The following CACHD1 variants were observed in gnomAD, a reference collection of about 807,000 sequenced individuals.
CACHD1 encodes VWFA and cache domain-containing protein 1.
Under a neutral mutation model 138.7 loss-of-function variants are expected in CACHD1, and 71 were observed. The observed-to-expected ratio is 0.51, with a 90% confidence interval of 0.42 to 0.62. The LOEUF is 0.62. CACHD1 is among the 20% of genes least tolerant of loss of function. The pLI, the probability that CACHD1 is intolerant of heterozygous loss-of-function variation, is 0.00. For synonymous variants in CACHD1, 578 were observed against 591.5 expected (o/e 0.98, Z 0.33); for missense variants, 1,389 against 1,625.3 (o/e 0.85, Z 2.50).
chr1:64,566,939 A>G (rs1047302210), intron 2 of CACHD1, among the ~76,000 whole-genome samples: 2 of 152,228 alleles, frequency 1.3e-5, no homozygotes, highest in Middle Eastern at 3.4e-3. Context: ...GGGTATGTAT[A>G]TGTTTATTGC....
chr1:64,691,666 T>G lies in CACHD1; in HGVS notation c.*105T>G. On this transcript the variant is annotated 3_prime_UTR_variant, in exon 27 of 27. Coordinates refer to ENST00000651257, the MANE Select transcript of CACHD1 (RefSeq NM_020925.4). Reference sequence around the variant, plus strand: ...CACAGCAAGAGACCTCCCTTGTGTTTGTGCTTTGTGCAGAGTTGTTTGAGT... The same window carrying G: ...CACAGCAAGAGACCTCCCTTGTGTTGGTGCTTTGTGCAGAGTTGTTTGAGT... 1.0e-6 allele frequency: 1 copy of G among 989,134 alleles called. No individual in the cohort carries two copies. The highest frequency in any genetic ancestry group is 1.5e-6 in the Non-Finnish European group (1 of 656,614). 61.3% of individuals were successfully genotyped at this position (989,134 alleles called of 1,614,324 possible).
At chr1:64,599,541 G>A (rs1647193499) in intron 3 of CACHD1, among the ~76,000 whole-genome samples, 1 of 152,106 alleles carries the variant, frequency 6.6e-6, no homozygotes, top group Admixed American at 6.6e-5. Context: ...CGTTAGAAGT[G>A]TAGGATAGGA....
chr1:64,542,742 G>A (rs1372676617), intron 1 of CACHD1, among the ~76,000 whole-genome samples: 1 of 152,012 alleles, frequency 6.6e-6, no homozygotes, highest in Non-Finnish European at 1.5e-5. Flanking sequence ...CTTTGCATAG[G>A]GGATTACAGA....
intron 3 of CACHD1, among the ~76,000 whole-genome samples, chr1:64,585,066 G>A (rs1428231982): frequency 1.3e-5 from 2 of 152,172 alleles, no homozygotes; most frequent in Admixed American, 6.5e-5. Flanking sequence ...ATTTAGAATA[G>A]AGAAAATTAT....
intron 2 of CACHD1, among the ~76,000 whole-genome samples, chr1:64,561,445 G>A (rs768867427): frequency 5.3e-5 from 8 of 151,998 alleles, no homozygotes; most frequent in Non-Finnish European, 1.2e-4. Context: ...TATGCTCTTT[G>A]TTTCTTTCTA....
At chr1:64,531,290 T>C (rs979350308) in intron 1 of CACHD1, among the ~76,000 whole-genome samples, 7 of 152,208 alleles carry the variant, frequency 4.6e-5, no homozygotes, top group African/African-American at 1.7e-4. Flanking sequence ...GTGCTGACAA[T>C]GAGCAAACTG....
chr1:64,575,564 A>G (rs1157963128), intron 2 of CACHD1, among the ~76,000 whole-genome samples: 1 of 152,222 alleles, frequency 6.6e-6, no homozygotes, highest in Admixed American at 6.5e-5. Context: ...ATAAGGATCA[A>G]CTATTAAATT....
At chr1:64,522,145 G>A (rs1327562894) in intron 1 of CACHD1, among the ~76,000 whole-genome samples, 4 of 152,080 alleles carry the variant, frequency 2.6e-5, no homozygotes, top group African/African-American at 9.7e-5. Context: ...TGTTGTAAGG[G>A]TCCAACTTTA....
chr1:64,561,858 CA>C (rs35407984), intron 2 of CACHD1, among the ~76,000 whole-genome samples: 83 of 116,438 alleles, frequency 7.1e-4, no homozygotes, highest in Admixed American at 1.2e-3. Context: ...ACACTGTCTC[CA>C]AAAAAAAAAA....
At chr1:64,674,839 C>T (rs570222146) in intron 19 of CACHD1, among the ~76,000 whole-genome samples, 1 of 152,244 alleles carries the variant, frequency 6.6e-6, no homozygotes, top group African/African-American at 2.4e-5. Flanking sequence ...AACTTGCTAT[C>T]ACATTTTCTT....
At chr1:64,673,525 G>C in intron 19 of CACHD1, 61 bp downstream of exon 19, 2 of 1,281,774 alleles carry the variant, frequency 1.6e-6, no homozygotes, top group Non-Finnish European at 2.3e-6. Flanking sequence ...ACATGAATTG[G>C]AATCATGGCT....
intron 24 of CACHD1, 42 bp downstream of exon 24, chr1:64,679,798 C>T: frequency 6.2e-7 from 1 of 1,605,372 alleles, no homozygotes; most frequent in South Asian, 1.1e-5. Context: ...AGCAGCCAGG[C>T]TAGAAGGACA....
chr1:64,626,794 A>T (rs1466215341), intron 4 of CACHD1, among the ~76,000 whole-genome samples: 1 of 152,222 alleles, frequency 6.6e-6, no homozygotes, highest in African/African-American at 2.4e-5. Flanking sequence ...CAATGACAAC[A>T]GGTAGATCTT....
At chr1:64,578,768 C>T (rs559564490) in intron 2 of CACHD1, among the ~76,000 whole-genome samples, 7 of 152,306 alleles carry the variant, frequency 4.6e-5, no homozygotes, top group Admixed American at 1.3e-4. Flanking sequence ...CTTACAGCTG[C>T]GTAGCTGACA....
Position 64,654,779 on chromosome 1 carries a change from C to T in CACHD1, c.1758C>T (p.Tyr586=). The T allele has an allele frequency of 6.2e-7, 1 of 1,612,894 alleles. No individual in the cohort carries two copies. The highest frequency in any genetic ancestry group is 8.5e-7 in the Non-Finnish European group (1 of 1,178,910). ...TGAGAGAAACTGGAAAGGAAGCCTA[C>T]AATGTTAGCTATGCCTGGAAGATGG... ...NKLRETGKEA[Y]NVSYAWKMVQ... is the part of the protein sequence containing the mutation. The change falls in exon 12 of 27, where the codon TAC becomes TAT. Residue 586 remains tyrosine, a synonymous_variant. Coordinates refer to ENST00000651257, the MANE Select transcript of CACHD1 (RefSeq NM_020925.4).
chr1:64,563,101 C>G (rs1161659350), intron 2 of CACHD1, among the ~76,000 whole-genome samples: 1 of 152,104 alleles, frequency 6.6e-6, no homozygotes, highest in Admixed American at 6.5e-5. Context: ...ATAGAGTTTG[C>G]CCTGCACACA....
intron 4 of CACHD1, among the ~76,000 whole-genome samples, chr1:64,614,106 C>G (rs769553860): frequency 6.6e-6 from 1 of 152,308 alleles, no homozygotes; most frequent in South Asian, 2.1e-4. Context: ...TGACCTAATA[C>G]GAGTCATTGT....
At chr1:64,482,568 G>T (rs925903442) in intron 1 of CACHD1, among the ~76,000 whole-genome samples, 30 of 152,134 alleles carry the variant, frequency 2.0e-4, no homozygotes, top group African/African-American at 7.0e-4. Context: ...AAAACCTGGA[G>T]AACATAGATT....
chr1:64,660,760 C>T (rs552496399), intron 13 of CACHD1, among the ~76,000 whole-genome samples: 24 of 152,168 alleles, frequency 1.6e-4, no homozygotes, highest in African/African-American at 5.1e-4. Flanking sequence ...TGACTCCTGA[C>T]CTCAGGTGAT....
Sources: allele counts gnomAD v4.1 joint callset (sites outside exome capture counted in the v4.1 genomes callset), GRCh38; gene constraint gnomAD v4.1.1; transcripts MANE v1.5; gene names NCBI Gene and HGNC (gene_info 2026-07-23, HGNC 2026-07-21).